IFNL2: variants seen among roughly 807,000 people sequenced by gnomAD.
IFNL2 encodes interferon lambda-2.
IFNL2 carries 17 observed loss-of-function variants against 18.7 expected under a neutral mutation model. The ratio of observed to expected loss-of-function variants is 0.91; its 90% CI spans 0.62 to 1.36. The LOEUF is 1.36. IFNL2 is among the 40% of genes most tolerant of loss of function. The probability of loss-of-function intolerance (pLI) is 0.00; values close to 1 mark genes in which losing one functional copy is unlikely to be tolerated. For synonymous variants in IFNL2, 96 were observed against 113.4 expected, an observed-to-expected ratio of 0.85 and a Z score of 0.98; for missense variants, 225 against 257.3, an observed-to-expected ratio of 0.87 and a Z score of 0.86.
At position 39,269,167 on chromosome 19, in the gene IFNL2, C is replaced by G; in HGVS notation, c.208C>G (p.Leu70Val). ...TGCTGTCTAGGAAGAGTCGCTTCTG[C>G]TGAAGGACTGCAGGTGCCACTCCCG... is the stretch of plus-strand genomic sequence containing the variant. ...AKDALEESLL[L>V]KDCRCHSRLF... Residue 70 changes from leucine (L) to valine (V), a missense_variant, in exon 3 of 6, where the codon CTG becomes GTG. Physicochemically the swap from Leu to Val is conservative, Grantham distance 32. Coordinates refer to ENST00000331982, the MANE Select transcript of IFNL2 (RefSeq NM_172138.2). 6.2e-7 allele frequency: 1 copy of G among 1,611,730 alleles called. No homozygotes were observed. Among genetic ancestry groups the G allele is most frequent in the African/African-American group, 1.3e-5 (1 of 74,950 alleles).
Position 39,268,789 on chromosome 19 carries a change from C to T in IFNL2, c.123C>T (p.Cys41=). ...GGGCTCTCCCGGATGCAAGGGGCTG[C>T]CACATAGCCCAGTTCAAGTCCCTGT... ...LHGALPDARG[C]HIAQFKSLSP... Residue 41 remains cysteine, a synonymous_variant, in exon 2 of 6, where the codon TGC becomes TGT. Coordinates refer to ENST00000331982, the MANE Select transcript of IFNL2 (RefSeq NM_172138.2). The T allele has an allele frequency of 6.2e-7, 1 of 1,613,748 alleles. No homozygotes were observed. Among genetic ancestry groups the T allele is most frequent in the South Asian group, 1.1e-5 (1 of 91,064 alleles).
rs765794704 is a variant in IFNL2, at chr19:39,269,707, C to G, written c.421-31C>G. ...AGCGTCCTTCCCCTTGCCAAGGCCC[C>G]GGCTCACACACCGCCCTCCTCTGCC... On this transcript the variant is annotated intron_variant, in intron 4 of 5. Transcript: ENST00000331982. 2.5e-6 allele frequency: 4 copies of G among 1,606,074 alleles called. No individual in the cohort carries two copies. The African/African-American group carries it at 4.0e-5, about 16-fold the overall frequency.
Position 39,269,236 on chromosome 19 carries a change from G to C in IFNL2, c.270+7G>C, listed in dbSNP as rs778475720. Reference sequence around the variant, plus strand: ...GGACCTGAGGCAGCTGCAGGTGAGAGGGGGAGTCAGGCCCACCCCTGCTCT... The same window carrying C: ...GGACCTGAGGCAGCTGCAGGTGAGACGGGGAGTCAGGCCCACCCCTGCTCT... On this transcript the variant is annotated splice_region_variant and intron_variant, in intron 3 of 5. Coordinates refer to ENST00000331982, the MANE Select transcript of IFNL2 (RefSeq NM_172138.2). 2.5e-6 allele frequency: 4 copies of C among 1,606,280 alleles called. No individual in the cohort carries two copies. The highest frequency in any genetic ancestry group is 3.4e-6 in the Non-Finnish European group (4 of 1,176,594).
chr19:39,270,050 T>C lies in IFNL2; in HGVS notation c.*37T>C. The C allele has an allele frequency of 6.4e-7, 1 of 1,552,092 alleles. No individual in the cohort carries two copies. The highest frequency in any genetic ancestry group is 8.7e-7 in the Non-Finnish European group (1 of 1,146,342). On this transcript the variant is annotated 3_prime_UTR_variant, in exon 6 of 6. Transcript: ENST00000331982. ...GTCATGCAACCTGAGATTTTATTTATAAATTAGCCACTTGTCTTAATTTAT... is the reference window on the plus strand; with the variant it reads ...GTCATGCAACCTGAGATTTTATTTACAAATTAGCCACTTGTCTTAATTTAT...
In IFNL2 at chr19:39,269,192, G is replaced by A. The variant is rs375917586; in HGVS notation, c.233G>A (p.Arg78His). ...LLLKDCRCHSRLFPRTWDLRQ... is the reference protein window; with the variant it reads ...LLLKDCRCHSHLFPRTWDLRQ... ...CTGAAGGACTGCAGGTGCCACTCCC[G>A]CCTCTTCCCCAGGACCTGGGACCTG... Residue 78 changes from arginine (R) to histidine (H), a missense_variant, in exon 3 of 6, where the codon CGC (arginine) becomes CAC (histidine). By Grantham distance (29) the Arg-to-His change is conservative. Transcript: ENST00000331982. The A allele has an allele frequency of 5.7e-5, 91 of 1,606,348 alleles. No homozygotes were observed. Among genetic ancestry groups the A allele is most frequent in the Non-Finnish European group, 7.1e-5 (83 of 1,176,106 alleles).
In IFNL2 at chr19:39,269,580, C is replaced by T. The variant is rs545058782; in HGVS notation, c.363C>T (p.Asp121=). Reference sequence around the variant, plus strand: ...CTGACACTGACCCAGCCCTGGTGGACGTCTTGGACCAGCCCCTTCACACCC... The same window carrying T: ...CTGACACTGACCCAGCCCTGGTGGATGTCTTGGACCAGCCCCTTCACACCC... The part of the protein sequence containing the change: ...ATADTDPALV[D]VLDQPLHTLH... Residue 121 remains aspartate, a synonymous_variant, in exon 4 of 6, where the codon GAC becomes GAT. Coordinates refer to ENST00000331982, the MANE Select transcript of IFNL2 (RefSeq NM_172138.2). The T allele has an allele frequency of 2.2e-4, 356 of 1,613,984 alleles. 2 individuals are homozygous for T. The East Asian group carries it at 3.6e-3, about 16-fold the overall frequency.
In IFNL2 at chr19:39,268,629, G is replaced by C. The variant is rs368354612; in HGVS notation, c.11-48G>C. The stretch of plus-strand genomic sequence containing the variant: ...TCAGCTCCTGCAGCCCCTGCCCTCA[G>C]TGGGCAGCCTCTCCATCCCCTCAGC... On this transcript the variant is annotated intron_variant, in intron 1 of 5. Coordinates refer to ENST00000331982, the MANE Select transcript of IFNL2 (RefSeq NM_172138.2). The C allele has an allele frequency of 5.6e-6, 9 of 1,613,692 alleles. No individual in the cohort carries two copies. In the African/African-American group the frequency reaches 1.2e-4, roughly 22 times the overall value.
chr19:39,269,634 C>T lies in IFNL2; in HGVS notation c.417C>T (p.Ala139=), dbSNP rs745776133. 1.2e-6 allele frequency: 2 copies of T among 1,613,996 alleles called. No individual in the cohort carries two copies. The highest frequency in any genetic ancestry group is 1.7e-6 in the Non-Finnish European group (2 of 1,179,896). The part of the protein sequence containing the change: ...TLHHILSQFR[A]CIQPQPTAGP... ...ACCATATCCTCTCCCAGTTCCGGGC[C>T]TGTGTGAGTCGTTGGGGCCTGGGCA... Residue 139 remains alanine, a synonymous_variant, in exon 4 of 6, where the codon GCC becomes GCT. Coordinates refer to ENST00000331982, the MANE Select transcript of IFNL2 (RefSeq NM_172138.2).
rs777999084 is a variant in IFNL2, at chr19:39,269,553, C to T, written c.336C>T (p.Thr112=). 9.9e-6 allele frequency: 16 copies of T among 1,614,092 alleles called. No individual in the cohort carries two copies. Among genetic ancestry groups the T allele is most frequent in the East Asian group, 2.2e-5 (1 of 44,898 alleles). The change falls in exon 4 of 6, where the codon ACC becomes ACT. Residue 112 remains threonine, a synonymous_variant. Transcript: ENST00000331982. ...LALTLKVLEA[T]ADTDPALVDV... ...TGACGCTGAAGGTTCTGGAGGCCAC[C>T]GCTGACACTGACCCAGCCCTGGTGG...
chr19:39,268,706 G>T lies in IFNL2; in HGVS notation c.40G>T (p.Val14Leu), dbSNP rs762308663. Residue 14 changes from valine to leucine, a missense_variant, in exon 2 of 6, where the codon GTG (valine) becomes TTG (leucine). Val to Leu is a conservative substitution (Grantham distance 32, BLOSUM62 1). Transcript: ENST00000331982. ...DMTGDCTPVL[V>L]LMAAVLTVTG... ...GACTGGGGACTGCACGCCAGTGCTG[G>T]TGCTGATGGCCGCAGTGCTGACCGT... 11 of 1,612,954 alleles carry T rather than the reference G, an allele frequency of 6.8e-6. No homozygotes were observed. The highest frequency in any genetic ancestry group is 2.2e-5 in the East Asian group (1 of 44,886).
At chr19:39,269,112 A>G (rs533819297) in intron 2 of IFNL2, 40 bp from the exon 3 acceptor site, 37 of 1,595,168 alleles carry the variant, frequency 2.3e-5, no homozygotes, top group Admixed American at 5.2e-5. Flanking sequence ...TCTAACCTCC[A>G]CCCCTCCTGC....
At position 39,268,589 on chromosome 19, in the gene IFNL2, C is replaced by T. The variant is rs1322296409; in HGVS notation, c.10+11C>T. ...CAGGAATGAAACTAGGTGAGTCCCA[C>T]ATCTCTGTCCGTGCTCAGCTCCTGC... On this transcript the variant is annotated intron_variant, in intron 1 of 5. Transcript: ENST00000331982. 3 of 1,613,300 alleles carry T rather than the reference C, an allele frequency of 1.9e-6. No individual in the cohort carries two copies. Among genetic ancestry groups the T allele is most frequent in the Non-Finnish European group, 2.5e-6 (3 of 1,179,680 alleles).
At position 39,269,497 on chromosome 19, in the gene IFNL2, C is replaced by T. The variant is rs375319879; in HGVS notation, c.280C>T (p.Arg94Cys). 3.8e-5 allele frequency: 62 copies of T among 1,614,050 alleles called. No homozygotes were observed. Among genetic ancestry groups the T allele is most frequent in the East Asian group, 1.1e-4 (5 of 44,882 alleles). ...WDLRQLQVRE[R>C]PMALEAELAL... ...TCTCACCTCTCCTCAGGTGAGGGAG[C>T]GCCCCATGGCTTTGGAGGCTGAGCT... The change falls in exon 4 of 6, where the codon CGC becomes TGC. Residue 94 changes from arginine (R) to cysteine (C), a missense_variant. By Grantham distance (180) the Arg-to-Cys change is radical (BLOSUM62 -3). Coordinates refer to ENST00000331982, the MANE Select transcript of IFNL2 (RefSeq NM_172138.2).
chr19:39,268,708 G>A lies in IFNL2; in HGVS notation c.42G>A (p.Val14=). The stretch of plus-strand genomic sequence containing the variant: ...CTGGGGACTGCACGCCAGTGCTGGT[G>A]CTGATGGCCGCAGTGCTGACCGTGA... The part of the protein sequence containing the change: ...DMTGDCTPVL[V]LMAAVLTVTG... The change falls in exon 2 of 6, where the codon GTG becomes GTA. Residue 14 remains valine (V), a synonymous_variant. Coordinates refer to ENST00000331982, the MANE Select transcript of IFNL2 (RefSeq NM_172138.2). 1.9e-6 allele frequency: 3 copies of A among 1,613,084 alleles called. No individual in the cohort carries two copies. Among genetic ancestry groups the A allele is most frequent in the Non-Finnish European group, 2.5e-6 (3 of 1,179,862 alleles).
rs2075029309 is a variant in IFNL2, at chr19:39,269,792, C to T, written c.475C>T (p.Leu159=). 3.1e-6 allele frequency: 5 copies of T among 1,609,370 alleles called. No individual in the cohort carries two copies. The South Asian group carries it at 3.3e-5, about 11-fold the overall frequency. The change falls in exon 5 of 6, where the codon CTG becomes TTG. Residue 159 remains leucine (L), a synonymous_variant. Coordinates refer to ENST00000331982, the MANE Select transcript of IFNL2 (RefSeq NM_172138.2). ...PRTRGRLHHW[L]YRLQEAPKKE... ...GACCCGGGGCCGCCTCCACCATTGG[C>T]TGTACCGGCTCCAGGAGGCCCCAAA... is the stretch of plus-strand genomic sequence containing the variant.
intron 2 of IFNL2, 135 bp from the exon 3 acceptor site, chr19:39,269,017 C>T: frequency 2.2e-6 from 3 of 1,367,718 alleles, no homozygotes; most frequent in Non-Finnish European, 3.0e-6. Context: ...TCATGTTTTC[C>T]TGTAGAAGAG....
rs553114 is a variant in IFNL2 at position 39,268,902 on chromosome 19, C to A, written c.192+44C>A. 3 of 1,582,408 alleles carry A rather than the reference C, an allele frequency of 1.9e-6. No individual in the cohort carries two copies. The South Asian group carries it at 3.4e-5, about 18-fold the overall frequency. The stretch of plus-strand genomic sequence containing the variant: ...TCCTGCCATGGACTAGCCTCCACCC[C>A]CACTCCAAGCGTCACCATGCTTTCC... On this transcript the variant is annotated intron_variant, in intron 2 of 5. Transcript: ENST00000331982.
chr19:39,268,935 A>G, intron 2 of IFNL2, 77 bp downstream of exon 2: 1 of 1,537,304 alleles, frequency 6.5e-7, no homozygotes, highest in Non-Finnish European at 8.8e-7. Flanking sequence ...TCCCACTCCC[A>G]GCTTCCTTCA....
chr19:39,269,678 G>C (rs533178717), intron 4 of IFNL2, 41 bp downstream of exon 4: 1 of 1,611,418 alleles, frequency 6.2e-7, no homozygotes, highest in South Asian at 1.1e-5. Flanking sequence ...TGTGAGCTCT[G>C]AGCAGCGTCC....
Sources: gnomAD v4.1 joint callset for allele counts on GRCh38, gnomAD v4.1.1 for gene constraint, MANE v1.5 for transcripts, NCBI Gene and HGNC (gene_info 2026-07-23, HGNC 2026-07-21) for gene names.